INTS10: variants seen among roughly 807,000 people sequenced by gnomAD.
The protein encoded by INTS10 is integrator complex subunit 10.
INTS10 carries 44 observed loss-of-function variants against 94.4 expected under a neutral mutation model. The observed-to-expected ratio is 0.47, with a 90% confidence interval of 0.37 to 0.60. The LOEUF (loss-of-function observed/expected upper bound fraction) is 0.60, where lower values mean the gene tolerates loss of function less well. Among genes scored for constraint, INTS10 ranks in the 20% least tolerant of loss-of-function variants. INTS10 has a pLI of 0.00. For synonymous variants in INTS10, 341 were observed against 320.7 expected, an observed-to-expected ratio of 1.06 and a Z score of -0.68; for missense variants, 797 against 868.7, an observed-to-expected ratio of 0.92 and a Z score of 1.04.
At chr8:19,841,064 G>A (rs1335427511) in intron 13 of INTS10, among the ~76,000 whole-genome samples, 1 of 152,082 alleles carries the variant, frequency 6.6e-6, no homozygotes, top group Non-Finnish European at 1.5e-5. Flanking sequence ...TTGGCACAGG[G>A]GTTGACCAGT....
chr8:19,828,301 A>G (rs2066959570), intron 9 of INTS10, among the ~76,000 whole-genome samples: 1 of 149,210 alleles, frequency 6.7e-6, no homozygotes, highest in Non-Finnish European at 1.5e-5. Context: ...ATCTGATCAC[A>G]CTGGCCCCTG....
intron 11 of INTS10, 101 bp from the exon 12 acceptor site, chr8:19,833,068 A>T: frequency 2.1e-6 from 2 of 950,726 alleles, no homozygotes; most frequent in Non-Finnish European, 3.0e-6. Context: ...GTCTTTGTAT[A>T]GTTGCTTGCT....
At chr8:19,819,779 A>T in intron 3 of INTS10, 103 bp downstream of exon 3, 1 of 819,004 alleles carries the variant, frequency 1.2e-6, no homozygotes, top group Non-Finnish European at 2.0e-6. Flanking sequence ...AACCATATGT[A>T]TGTTTTATTC....
intron 1 of INTS10, 187 bp from the exon 2 acceptor site, chr8:19,818,088 G>A: frequency 1.6e-6 from 1 of 629,310 alleles, no homozygotes; most frequent in Non-Finnish European, 2.9e-6. Context: ...GCCTGAGATT[G>A]CAGGTGAACC....
intron 5 of INTS10, 97 bp from the exon 6 acceptor site, chr8:19,823,204 G>C: frequency 1.1e-6 from 1 of 890,666 alleles, no homozygotes; most frequent in Non-Finnish European, 1.8e-6. Context: ...ATATATTTTA[G>C]ATACTACATC....
In INTS10 at chr8:19,843,196, G is replaced by A. The variant is rs2068280876; in HGVS notation, c.1719+269G>A. Among the ~76,000 whole-genome samples the A allele has an allele frequency of 6.6e-6, 1 of 152,172 alleles. No homozygotes were observed. The highest frequency in any genetic ancestry group is 2.4e-5 in the African/African-American group (1 of 41,446). Reference sequence around the variant, plus strand: ...ATAACCTTGACTGTTGTAGTGTTTGGTAAATATTTTATCAATATAAATATA... The same window carrying A: ...ATAACCTTGACTGTTGTAGTGTTTGATAAATATTTTATCAATATAAATATA... On this transcript the variant is annotated intron_variant, in intron 14 of 16. Transcript: ENST00000397977. The surrounding 1 kb of genome is among the most constrained non-coding windows in gnomAD (Gnocchi z 4.7).
At chr8:19,848,415 T>C (rs941080005) in intron 16 of INTS10, among the ~76,000 whole-genome samples, 1 of 152,204 alleles carries the variant, frequency 6.6e-6, no homozygotes, top group African/African-American at 2.4e-5. Flanking sequence ...TTAAGTATTT[T>C]AAAATAGAGA....
intron 5 of INTS10, among the ~76,000 whole-genome samples, chr8:19,822,865 G>A (rs1389142947): frequency 6.6e-6 from 1 of 151,738 alleles, no homozygotes. Flanking sequence ...CAGGAGAGTC[G>A]CTTGAAACTG....
rs888670016 is a variant in INTS10 at position 19,851,182 on chromosome 8, G to A, written c.1977-467G>A. 1.3e-5 allele frequency among the ~76,000 whole-genome samples: 2 copies of A among 152,200 alleles called. No homozygotes were observed. Among genetic ancestry groups the A allele is most frequent in the African/African-American group, 4.8e-5 (2 of 41,452 alleles). On this transcript the variant is annotated intron_variant, in intron 16 of 16. Transcript: ENST00000397977. This position sits in a 1 kb window ranked among gnomAD's most constrained non-coding sequence, Gnocchi z 5.0. ...AACCTTTCTGGGAGCACCAGCTGCG[G>A]GGGCCATGGTGGGAGCTCACTTGGG...
rs374978168 is a variant in INTS10, at chr8:19,851,590, G to A, written c.1977-59G>A. On this transcript the variant is annotated intron_variant, in intron 16 of 16. Coordinates refer to ENST00000397977, the MANE Select transcript of INTS10 (RefSeq NM_018142.4). The surrounding 1 kb of genome is among the most constrained non-coding windows in gnomAD (Gnocchi z 5.0). ...GCTTTATTCCTACCCAAGTAGCAGC[G>A]ATCAGCGATGCTGGTGCTAACCCCT... 45 of 1,513,578 alleles carry A rather than the reference G, an allele frequency of 3.0e-5. No homozygotes were observed. The highest frequency in any genetic ancestry group is 3.8e-5 in the Non-Finnish European group (41 of 1,091,494). The allele number at this position is 1,513,578 out of a possible 1,614,324, so 93.8% of individuals were successfully genotyped here.
At chr8:19,826,271 G>T (rs2066782197) in intron 8 of INTS10, among the ~76,000 whole-genome samples, 155 bp from the exon 9 acceptor site, 1 of 152,062 alleles carries the variant, frequency 6.6e-6, no homozygotes, top group Non-Finnish European at 1.5e-5. Context: ...TAGTAGAGAT[G>T]GGGTTTCGCC....
At position 19,834,103 on chromosome 8, in the gene INTS10, T is replaced by C. The variant is rs2067463037; in HGVS notation, c.1530+782T>C. ...GTTTCAAGCCCTTCCTACTACAGGG[T>C]GGGGACTATGTTTTTATCTTTGAAC... On this transcript the variant is annotated intron_variant, in intron 12 of 16. Transcript: ENST00000397977. Among the ~76,000 whole-genome samples, 3 of 151,736 alleles carry C rather than the reference T, an allele frequency of 2.0e-5. No homozygotes were observed. In the South Asian group the frequency reaches 6.3e-4, roughly 32 times the overall value.
chr8:19,834,006 C>CAAAAA (rs11428734), intron 12 of INTS10, among the ~76,000 whole-genome samples: 42 of 110,390 alleles, frequency 3.8e-4, no homozygotes, highest in African/African-American at 7.8e-4. Flanking sequence ...GACTCTGTCT[C>CAAAAA]AAAAAAAAAA....
intron 13 of INTS10, among the ~76,000 whole-genome samples, chr8:19,839,788 C>T (rs1208385944): frequency 3.9e-5 from 6 of 152,102 alleles, no homozygotes; most frequent in East Asian, 3.8e-4. Context: ...CAAGGCTGGG[C>T]GCAGTGGCTC....
At position 19,851,184 on chromosome 8, in the gene INTS10, G is replaced by A. The variant is rs2069005111; in HGVS notation, c.1977-465G>A. On this transcript the variant is annotated intron_variant, in intron 16 of 16. Transcript: ENST00000397977. This position sits in a 1 kb window ranked among gnomAD's most constrained non-coding sequence, Gnocchi z 5.0. ...CCTTTCTGGGAGCACCAGCTGCGGG[G>A]GCCATGGTGGGAGCTCACTTGGGTG... Among the ~76,000 whole-genome samples, 1 of 152,186 alleles carries A rather than the reference G, an allele frequency of 6.6e-6. No individual in the cohort carries two copies.
rs920157600 is a variant in INTS10 at position 19,844,103 on chromosome 8, G to A, written c.1747G>A (p.Asp583Asn). 20 of 1,611,280 alleles carry A rather than the reference G, an allele frequency of 1.2e-5. No homozygotes were observed. Among genetic ancestry groups the A allele is most frequent in the South Asian group, 2.2e-5 (2 of 90,754 alleles). Residue 583 changes from aspartate (D) to asparagine (N), a missense_variant, in exon 15 of 17, where the codon GAC becomes AAC. Physicochemically the swap from Asp to Asn is conservative, Grantham distance 23. Transcript: ENST00000397977. ...TAGAGCTTTCACAGACAACAGAGAC[G>A]ACATGGCATTGGGGCATGTGATTGT... The part of the protein sequence containing the change: ...KLRAFTDNRD[D>N]MALGHVIVLL...
At position 19,826,373 on chromosome 8, in the gene INTS10, C is replaced by T. The variant is rs1008002292; in HGVS notation, c.1007-53C>T. ...CTGGGATTGCAGGCATGAGCCACCGCGCCTGGCCTCCTTGCTGCACTGGTA... is the reference window on the plus strand; with the variant it reads ...CTGGGATTGCAGGCATGAGCCACCGTGCCTGGCCTCCTTGCTGCACTGGTA... On this transcript the variant is annotated intron_variant, in intron 8 of 16. Coordinates refer to ENST00000397977, the MANE Select transcript of INTS10 (RefSeq NM_018142.4). 679 of 1,552,658 alleles carry T rather than the reference C, an allele frequency of 4.4e-4. 2 individuals are homozygous for T. The highest frequency in any genetic ancestry group is 1.2e-3 in the Middle Eastern group (7 of 5,820).
At chr8:19,825,068 A>G (rs991636688) in intron 8 of INTS10, 96 bp downstream of exon 8, 8 of 1,060,372 alleles carry the variant, frequency 7.5e-6, no homozygotes, top group African/African-American at 1.6e-5. Flanking sequence ...CTGGATCCGA[A>G]TAACTGTGGG....
In INTS10 at chr8:19,846,725, G is replaced by T. The variant is rs1159783026; in HGVS notation, c.1976+928G>T. Among the ~76,000 whole-genome samples the T allele has an allele frequency of 6.6e-6, 1 of 152,186 alleles. No individual in the cohort carries two copies. Among genetic ancestry groups the T allele is most frequent in the Non-Finnish European group, 1.5e-5 (1 of 68,036 alleles). On this transcript the variant is annotated intron_variant, in intron 16 of 16. Transcript: ENST00000397977. The surrounding 1 kb of genome is among the most constrained non-coding windows in gnomAD (Gnocchi z 4.2). Reference sequence around the variant, plus strand: ...TGGCCCAGATGAAAATGCCAAATTAGTGACCATTTATGATTTTTAAATAGC... The same window carrying T: ...TGGCCCAGATGAAAATGCCAAATTATTGACCATTTATGATTTTTAAATAGC...
Sources: allele counts gnomAD v4.1 joint callset (sites outside exome capture counted in the v4.1 genomes callset), GRCh38; gene constraint gnomAD v4.1.1; non-coding constraint Gnocchi (gnomAD v3.1); transcripts MANE v1.5; gene names NCBI Gene and HGNC (gene_info 2026-07-23, HGNC 2026-07-21).